Variants in ANK3 observed in about 807,000 individuals in gnomAD.
The protein encoded by ANK3 is ankyrin 3.
Under a neutral mutation model 370.9 loss-of-function variants are expected in ANK3, and 57 were observed. The observed-to-expected ratio is 0.15, with a 90% confidence interval of 0.12 to 0.19. ANK3 has a LOEUF of 0.19. Among genes scored for constraint, ANK3 ranks in the 10% least tolerant of loss-of-function variants. The pLI, the probability that ANK3 is intolerant of heterozygous loss-of-function variation, is 1.00. For missense variants in ANK3, 4,439 were observed against 5,302.1 expected (o/e 0.84, Z 5.06); for synonymous variants, 1,929 against 1,946.3 (o/e 0.99, Z 0.23).
intron 25 of ANK3, among the ~76,000 whole-genome samples, chr10:60,124,429 C>A (rs1435711082): frequency 6.6e-6 from 1 of 152,150 alleles, no homozygotes; most frequent in African/African-American, 2.4e-5. Context: ...CCCACCTTGG[C>A]CTCCCAAAGT....
chr10:60,552,588 T>C (rs976244240), intron 2 of ANK3, among the ~76,000 whole-genome samples: 1 of 152,236 alleles, frequency 6.6e-6, no homozygotes, highest in Non-Finnish European at 1.5e-5. Context: ...ACTCTCAATA[T>C]GTGAGATTTG....
chr10:60,468,938 C>T (rs561825902), intron 2 of ANK3, among the ~76,000 whole-genome samples: 33 of 134,116 alleles, frequency 2.5e-4, no homozygotes, highest in African/African-American at 8.4e-4. Context: ...TGTATATATA[C>T]ACACATGTAT....
At chr10:60,649,161 G>A (rs921972507) in intron 1 of ANK3, among the ~76,000 whole-genome samples, 1 of 152,080 alleles carries the variant, frequency 6.6e-6, no homozygotes, top group African/African-American at 2.4e-5. Flanking sequence ...CTAAGAGAGA[G>A]CATTTTGCTT....
chr10:60,347,064 T>C (rs1467686379), intron 1 of ANK3, among the ~76,000 whole-genome samples: 2 of 150,532 alleles, frequency 1.3e-5, no homozygotes, highest in Non-Finnish European at 3.0e-5. Context: ...GATATATATA[T>C]ATATATATAT....
chr10:60,034,112 T>G (rs953117298), intron 43 of ANK3, among the ~76,000 whole-genome samples: 7 of 146,458 alleles, frequency 4.8e-5, no homozygotes, highest in South Asian at 2.2e-4. Context: ...TTTGGTTTTT[T>G]TTTTTTTTTT....
chr10:60,051,414 C>T, intron 42 of ANK3: 1 of 794,072 alleles, frequency 1.3e-6, no homozygotes, highest in Non-Finnish European at 1.5e-6. Context: ...GTTTCTACAA[C>T]CACAAGGAAG....
intron 1 of ANK3, among the ~76,000 whole-genome samples, chr10:60,302,928 C>T (rs10740022): frequency 0.72 from 110,119 of 152,030 alleles, 40,222 homozygotes; most frequent in South Asian, 0.91. Context: ...AATCGAACTT[C>T]GGCAAGGGTG....
At chr10:60,620,134 T>C (rs2078316046) in intron 1 of ANK3, among the ~76,000 whole-genome samples, 1 of 152,228 alleles carries the variant, frequency 6.6e-6, no homozygotes, top group Admixed American at 6.5e-5. Flanking sequence ...AAATGATTTA[T>C]TTTAAATAAT....
chr10:60,372,501 C>T (rs191582923), intron 1 of ANK3, among the ~76,000 whole-genome samples: 5 of 152,254 alleles, frequency 3.3e-5, no homozygotes, highest in Admixed American at 6.5e-5. Flanking sequence ...AAATAGCTGG[C>T]ATATGGGTGG....
chr10:60,663,842 G>A (rs555993179), intron 1 of ANK3, among the ~76,000 whole-genome samples: 2 of 152,190 alleles, frequency 1.3e-5, no homozygotes, highest in Non-Finnish European at 2.9e-5. Flanking sequence ...TTCACAAATC[G>A]TATTTTATTT....
chr10:60,072,720 T>G lies in ANK3; in HGVS notation c.8161A>C (p.Lys2721Gln), dbSNP rs751324643. Reference sequence around the variant, plus strand: ...TTTGCGTGTGTGCCTTGTTCAAATTTTAATCTAATGGAACTGAGTTTAGAT... The same window carrying G: ...TTTGCGTGTGTGCCTTGTTCAAATTGTAATCTAATGGAACTGAGTTTAGAT... ...KQSKLSSIRL[K>Q]FEQGTHAKSK... The change falls in exon 37 of 44, where the codon AAA becomes CAA. Residue 2721 changes from lysine to glutamine, a missense_variant. Physicochemically the swap from Lys to Gln is moderately conservative, Grantham distance 53. Around this residue, in one of 13 missense-constraint regions of ANK3, gnomAD observed 1,601 missense variants for 1,731.7 expected, o/e 0.92. Coordinates refer to ENST00000280772, the MANE Select transcript of ANK3 (RefSeq NM_020987.5). 6.2e-7 allele frequency: 1 copy of G among 1,614,058 alleles called. No individual in the cohort carries two copies. The highest frequency in any genetic ancestry group is 2.2e-5 in the East Asian group (1 of 44,874).
chr10:60,670,462 G>C (rs7096752), intron 1 of ANK3, among the ~76,000 whole-genome samples: 1 of 151,910 alleles, frequency 6.6e-6, no homozygotes, highest in Non-Finnish European at 1.5e-5. Flanking sequence ...AGATCCACTC[G>C]GTTCCAAACC....
intron 5 of ANK3, 115 bp from the exon 6 acceptor site, chr10:60,264,135 A>G (rs1651932671): frequency 2.5e-6 from 2 of 804,852 alleles, no homozygotes. Flanking sequence ...TGGGATTATT[A>G]AAACTAACAA....
chr10:60,173,200 T>A lies in ANK3; in HGVS notation c.2185-14A>T, dbSNP rs1324093972. ...TGTGTATCCCATCTGTAATTATTAT[T>A]TTTTTAAAAAAGAAGCATCATAATT... On this transcript the variant is annotated splice_polypyrimidine_tract_variant and intron_variant, in intron 18 of 43. Transcript: ENST00000280772. 2.3e-5 allele frequency: 36 copies of A among 1,582,716 alleles called. No individual in the cohort carries two copies. Among genetic ancestry groups the A allele is most frequent in the Non-Finnish European group, 3.0e-5 (35 of 1,160,448 alleles).
At chr10:60,212,302 G>A (rs2096869879) in intron 9 of ANK3, among the ~76,000 whole-genome samples, 1 of 152,112 alleles carries the variant, frequency 6.6e-6, no homozygotes, top group African/African-American at 2.4e-5. Context: ...AGTTTATATG[G>A]CCACTCTGAC....
intron 2 of ANK3, among the ~76,000 whole-genome samples, chr10:60,550,812 GT>G (rs1242273947): frequency 1.3e-5 from 2 of 151,954 alleles, no homozygotes; most frequent in African/African-American, 4.8e-5. Context: ...AAACTGGGAA[GT>G]TTTTTTGTTT....
At chr10:60,369,053 C>G (rs2059770269) in intron 1 of ANK3, among the ~76,000 whole-genome samples, 1 of 152,012 alleles carries the variant, frequency 6.6e-6, no homozygotes, top group Non-Finnish European at 1.5e-5. Flanking sequence ...TAACTATACC[C>G]TTAGGATCAG....
chr10:60,551,898 A>G (rs2077096207), intron 2 of ANK3, among the ~76,000 whole-genome samples: 1 of 152,202 alleles, frequency 6.6e-6, no homozygotes, highest in Non-Finnish European at 1.5e-5. Flanking sequence ...CACATGTAAC[A>G]TCAACCTCTG....
intron 28 of ANK3, among the ~76,000 whole-genome samples, chr10:60,100,886 C>T (rs1253344239): frequency 6.6e-6 from 1 of 152,134 alleles, no homozygotes; most frequent in Non-Finnish European, 1.5e-5. Context: ...ATAATGTAAA[C>T]TGGGTATGTA....
Sources: gnomAD v4.1 joint callset for allele counts (sites outside exome capture counted in the v4.1 genomes callset) on GRCh38, gnomAD v4.1.1 for gene constraint, gnomAD v4.1.1 regional missense constraint, MANE v1.5 for transcripts, NCBI Gene and HGNC (gene_info 2026-07-23, HGNC 2026-07-21) for gene names.